MED12L: variants seen among roughly 807,000 people sequenced by gnomAD.
The protein encoded by MED12L is mediator complex subunit 12L.
Under a neutral mutation model 281.3 loss-of-function variants are expected in MED12L, and 60 were observed. That is an observed-to-expected ratio of 0.21 (90% CI 0.17 to 0.26). MED12L has a LOEUF of 0.26. MED12L is among the 10% of genes least tolerant of loss of function. MED12L has a pLI of 1.00. For missense variants in MED12L, 2,146 were observed against 2,680.9 expected, an observed-to-expected ratio of 0.80 and a Z score of 4.41; for synonymous variants, 974 against 987.2, an observed-to-expected ratio of 0.99 and a Z score of 0.25.
At chr3:151,271,932 A>G (rs1577196606) in intron 16 of MED12L, among the ~76,000 whole-genome samples, 1 of 152,202 alleles carries the variant, frequency 6.6e-6, no homozygotes, top group South Asian at 2.1e-4. Flanking sequence ...TGGTGATTAT[A>G]TGGTGTCAAA....
intron 11 of MED12L, among the ~76,000 whole-genome samples, chr3:151,178,029 A>G (rs1455699117): frequency 6.6e-6 from 1 of 151,770 alleles, no homozygotes; most frequent in African/African-American, 2.4e-5. Context: ...GCATGCTTAC[A>G]TTGTTCAACT....
At chr3:151,125,547 T>A (rs1412500730) in intron 4 of MED12L, among the ~76,000 whole-genome samples, 1 of 152,258 alleles carries the variant, frequency 6.6e-6, no homozygotes, top group African/African-American at 2.4e-5. Flanking sequence ...TTGGAGATGC[T>A]AACTTGCGCT....
At chr3:151,255,458 C>T (rs1057499651) in intron 16 of MED12L, among the ~76,000 whole-genome samples, 1 of 151,142 alleles carries the variant, frequency 6.6e-6, no homozygotes, top group Non-Finnish European at 1.5e-5. Flanking sequence ...GGGGAGGGGG[C>T]TGGGGGTGCG....
intron 40 of MED12L, among the ~76,000 whole-genome samples, chr3:151,410,625 A>C (rs1399858913): frequency 6.6e-6 from 1 of 152,246 alleles, no homozygotes; most frequent in Non-Finnish European, 1.5e-5. Flanking sequence ...AGGTACTTGT[A>C]TATTAATATT....
chr3:151,236,945 A>G (rs991487806), intron 16 of MED12L, among the ~76,000 whole-genome samples: 10 of 151,680 alleles, frequency 6.6e-5, no homozygotes, highest in African/African-American at 1.9e-4. Flanking sequence ...TTTGTTGCCT[A>G]TTGATGGACA....
chr3:151,433,677 A>T lies in MED12L; in HGVS notation c.*873A>T. 1 of 152,608 alleles carries T rather than the reference A, an allele frequency of 6.6e-6. No individual in the cohort carries two copies. Among genetic ancestry groups the T allele is most frequent in the Non-Finnish European group, 1.5e-5 (1 of 68,040 alleles). The allele number at this position is 152,608 out of a possible 1,614,324, so 9.5% of individuals were successfully genotyped here. A position where few individuals can be genotyped will look rare whatever the true frequency, so the allele number is the denominator to read the frequency against. On this transcript the variant is annotated 3_prime_UTR_variant, in exon 45 of 45. Coordinates refer to ENST00000687756, the MANE Select transcript of MED12L (RefSeq NM_001393769.1). The stretch of plus-strand genomic sequence containing the variant: ...CTTATGCCACCTTAAGGGGAAAAAA[A>T]AATCCAGTAGCTGGCTTGAGATTCC...
At chr3:151,268,843 C>A (rs2149536651) in intron 16 of MED12L, among the ~76,000 whole-genome samples, 1 of 152,288 alleles carries the variant, frequency 6.6e-6, no homozygotes, top group Non-Finnish European at 1.5e-5. Context: ...CACAAAGCTT[C>A]TAGAGGAAAA....
At chr3:151,355,548 T>C (rs575648227) in intron 18 of MED12L, among the ~76,000 whole-genome samples, 11 of 152,332 alleles carry the variant, frequency 7.2e-5, no homozygotes, top group Admixed American at 3.9e-4. Context: ...CTGTTGATGA[T>C]TGAAATAAAA....
At chr3:151,255,929 A>G (rs1308211830) in intron 16 of MED12L, among the ~76,000 whole-genome samples, 4 of 152,186 alleles carry the variant, frequency 2.6e-5, no homozygotes, top group Non-Finnish European at 2.9e-5. Flanking sequence ...AAGTTGTTGG[A>G]AAGTTTAAAT....
Position 151,434,817 on chromosome 3 carries a change from C to A in MED12L, c.*2013C>A, listed in dbSNP as rs1354640998. 1 of 152,188 alleles carries A rather than the reference C, an allele frequency of 6.6e-6. No individual in the cohort carries two copies. The highest frequency in any genetic ancestry group is 1.5e-5 in the Non-Finnish European group (1 of 68,030). The allele number at this position is 152,188 out of a possible 1,614,324, so 9.4% of individuals were successfully genotyped here. A position where few individuals can be genotyped will look rare whatever the true frequency, so the allele number is the denominator to read the frequency against. On this transcript the variant is annotated 3_prime_UTR_variant, in exon 45 of 45. Coordinates refer to ENST00000687756, the MANE Select transcript of MED12L (RefSeq NM_001393769.1). ...AAGAATGAGTGTTATAATTGCATAG[C>A]ATTTGTATGCACTTTATACTTTGCA...
At chr3:151,223,754 G>T (rs1424419156) in intron 16 of MED12L, among the ~76,000 whole-genome samples, 1 of 152,180 alleles carries the variant, frequency 6.6e-6, no homozygotes, top group Non-Finnish European at 1.5e-5. Flanking sequence ...CACTATTTGG[G>T]TGATGGGTTC....
At chr3:151,201,824 T>TA (rs1479282298) in intron 16 of MED12L, among the ~76,000 whole-genome samples, 1 of 152,250 alleles carries the variant, frequency 6.6e-6, no homozygotes, top group Non-Finnish European at 1.5e-5. Flanking sequence ...TGCTTATTGT[T>TA]ACTTTCTAAG....
intron 20 of MED12L, 42 bp from the exon 21 acceptor site, chr3:151,360,432 T>C (rs1343568397): frequency 1.9e-6 from 3 of 1,588,652 alleles, no homozygotes; most frequent in Non-Finnish European, 2.6e-6. Flanking sequence ...ACCCACATAG[T>C]ACAAATCTAT....
chr3:151,319,195 C>T (rs1748678089), intron 16 of MED12L, among the ~76,000 whole-genome samples: 1 of 152,124 alleles, frequency 6.6e-6, no homozygotes, highest in East Asian at 1.9e-4. Context: ...AAAAGTGTAA[C>T]ACTTTGATGC....
At chr3:151,358,526 G>A (rs1189524655) in intron 20 of MED12L, among the ~76,000 whole-genome samples, 1 of 152,004 alleles carries the variant, frequency 6.6e-6, no homozygotes, top group African/African-American at 2.4e-5. Context: ...AAACCCATTA[G>A]TTGGTCATGA....
chr3:151,147,479 G>C (rs937585443), intron 5 of MED12L, among the ~76,000 whole-genome samples: 2 of 152,006 alleles, frequency 1.3e-5, no homozygotes, highest in South Asian at 2.1e-4. Flanking sequence ...GAACATTTTC[G>C]CTACCCCTGA....
intron 16 of MED12L, chr3:151,329,344 G>A (rs1431396738): frequency 1.7e-6 from 1 of 604,914 alleles, no homozygotes; most frequent in African/African-American, 1.9e-5. Context: ...TAATACATCA[G>A]ATTGCTGTAA....
chr3:151,391,406 G>A (rs62285884), intron 38 of MED12L, among the ~76,000 whole-genome samples: 9,218 of 152,036 alleles, frequency 0.061, 419 homozygotes, highest in Middle Eastern at 0.18. Flanking sequence ...TCTCACTGGG[G>A]CCTTTACTAA....
At chr3:151,329,089 CTTTATG>C (rs1301098359) in intron 16 of MED12L, 7 of 1,029,500 alleles carry the variant, frequency 6.8e-6, no homozygotes, top group Non-Finnish European at 1.0e-5. Flanking sequence ...TAAAAACAGA[CTTTATG>C]TTTATAGCAT....
Sources: allele counts gnomAD v4.1 joint callset (sites outside exome capture counted in the v4.1 genomes callset), GRCh38; gene constraint gnomAD v4.1.1; transcripts MANE v1.5; gene names NCBI Gene and HGNC (gene_info 2026-07-23, HGNC 2026-07-21).